DUSP9: variants seen among roughly 807,000 people sequenced by gnomAD.
DUSP9 encodes the protein dual specificity phosphatase 9.
Under a neutral mutation model 13.2 loss-of-function variants are expected in DUSP9, and 4 were observed. The ratio of observed to expected loss-of-function variants is 0.30; its 90% CI spans 0.15 to 0.69. The LOEUF (loss-of-function observed/expected upper bound fraction) is 0.69, where lower values mean the gene tolerates loss of function less well. Among genes scored for constraint, DUSP9 ranks in the 30% least tolerant of loss-of-function variants. The pLI is 0.73. For synonymous variants in DUSP9, 166 were observed against 172.3 expected (o/e 0.96, Z 0.29); for missense variants, 263 against 355.0 (o/e 0.74, Z 2.08).
Position 153,648,346 on chromosome X carries a change from C to T in DUSP9, c.373+20C>T. The T allele has an allele frequency of 1.8e-6, 2 of 1,098,823 alleles. No individual in the cohort carries two copies. Among genetic ancestry groups the T allele is most frequent in the Non-Finnish European group, 1.2e-6 (1 of 848,373 alleles). The allele number at this position is 1,098,823 out of a possible 1,213,427, so 90.6% of individuals were successfully genotyped here. ...TCCAGGGTAGGTGCCGCGGGGCCCT[C>T]CTTCCAGGGGGTTCGGGATTCATTT... is the stretch of plus-strand genomic sequence containing the variant. On this transcript the variant is annotated intron_variant, in intron 2 of 3. Transcript: ENST00000342782.
rs1557036052 is a variant in DUSP9 at position 153,649,289 on chromosome X, G to T, written c.431G>T (p.Gly144Val). The change falls in exon 3 of 4, where the codon GGC (glycine) becomes GTC (valine). Residue 144 changes from glycine to valine, a missense_variant. Coordinates refer to ENST00000342782, the MANE Select transcript of DUSP9 (RefSeq NM_001318503.2). ...CPHLCETSLA[G>V]RAGSSMAPVP... ...CACCTGTGTGAGACCAGCCTTGCTG[G>T]CCGTGCCGGCTCCAGCATGGCGCCG... is the stretch of plus-strand genomic sequence containing the variant. The T allele has an allele frequency of 8.3e-7, 1 of 1,210,692 alleles. No homozygotes were observed. Among genetic ancestry groups the T allele is most frequent in the African/African-American group, 1.7e-5 (1 of 57,880 alleles).
upstream of DUSP9, chrX:153,643,442 G>T (rs1015128796): frequency 1.5e-5 from 5 of 338,455 alleles, no homozygotes; most frequent in Non-Finnish European, 3.0e-5. Flanking sequence ...GGCCCCCCAG[G>T]TGCCTCCCTA....
chrX:153,643,203 A>G (rs973750449), upstream of DUSP9, among the ~76,000 whole-genome samples: 3 of 109,280 alleles, frequency 2.7e-5, no homozygotes, highest in Non-Finnish European at 5.7e-5. Context: ...AGCATCTCCA[A>G]CGCGCACTCT....
At chrX:153,649,200 G>A (rs2091201747) in intron 2 of DUSP9, 32 bp from the exon 3 acceptor site, 2 of 1,198,313 alleles carry the variant, frequency 1.7e-6, no homozygotes, top group Non-Finnish European at 2.3e-6. Flanking sequence ...CAGAAGGCCA[G>A]GTCAGCAGGC....
In DUSP9 at chrX:153,650,202, C is replaced by G. The variant is rs1259329656; in HGVS notation, c.1052C>G (p.Ser351Trp). Residue 351 changes from serine (S) to tryptophan (W), a missense_variant, in exon 4 of 4, where the codon TCG becomes TGG. Ser to Trp is a radical substitution (Grantham distance 177). Transcript: ENST00000342782. The stretch of plus-strand genomic sequence containing the variant: ...AGCTTGCGGCTGGAGGAGCGCCACT[C>G]GCAGGAGCAGGGCAGTGGGGGGCAG... ...ERSLRLEERHSQEQGSGGQAS... is the reference protein window; with the variant it reads ...ERSLRLEERHWQEQGSGGQAS... 2.0e-5 allele frequency: 24 copies of G among 1,210,760 alleles called. No individual in the cohort carries two copies. Among genetic ancestry groups the G allele is most frequent in the Non-Finnish European group, 2.7e-5 (24 of 895,354 alleles).
At chrX:153,646,619 G>T (rs1557035552), upstream of DUSP9, among the ~76,000 whole-genome samples, 1 of 111,779 alleles carries the variant, frequency 8.9e-6, no homozygotes. Context: ...CCAGTTTAGG[G>T]CTGGGAGCTC....
intron 3 of DUSP9, 117 bp from the exon 4 acceptor site, chrX:153,649,863 A>G: frequency 2.1e-6 from 2 of 963,244 alleles, no homozygotes; most frequent in East Asian, 6.2e-5. Flanking sequence ...AGAAACCTGC[A>G]GGTCGTGGCC....
At chrX:153,646,475 G>A (rs150525819), upstream of DUSP9, among the ~76,000 whole-genome samples, 2,178 of 111,891 alleles carry the variant, frequency 0.019, 55 homozygotes, top group African/African-American at 0.067. Flanking sequence ...GGAGAGAGGC[G>A]TGGATGTGAG....
Position 153,647,949 on chromosome X carries a change from C to A in DUSP9, c.-5C>A. 1 of 1,046,624 alleles carries A rather than the reference C, an allele frequency of 9.6e-7. No homozygotes were observed. The highest frequency in any genetic ancestry group is 1.2e-6 in the Non-Finnish European group (1 of 819,127). 86.3% of individuals were successfully genotyped at this position (1,046,624 alleles called of 1,213,427 possible). On this transcript the variant is annotated 5_prime_UTR_variant, in exon 2 of 4. Coordinates refer to ENST00000342782, the MANE Select transcript of DUSP9 (RefSeq NM_001318503.2). ...GTGGTCCAGCGTGTAGGGAGCCGAT[C>A]GCCCATGGAGGGTCTGGGCCGCTCG... is the stretch of plus-strand genomic sequence containing the variant.
rs782732342 is a variant in DUSP9, at chrX:153,649,290, C to T, written c.432C>T (p.Gly144=). ...CPHLCETSLA[G]RAGSSMAPVP... is the part of the protein sequence containing the mutation. ...ACCTGTGTGAGACCAGCCTTGCTGG[C>T]CGTGCCGGCTCCAGCATGGCGCCGG... Residue 144 remains glycine, a synonymous_variant, in exon 3 of 4, where the codon GGC becomes GGT. Transcript: ENST00000342782. 8.3e-7 allele frequency: 1 copy of T among 1,210,797 alleles called. No individual in the cohort carries two copies. Among genetic ancestry groups the T allele is most frequent in the Non-Finnish European group, 1.1e-6 (1 of 895,497 alleles).
upstream of DUSP9, among the ~76,000 whole-genome samples, chrX:153,643,024 C>T (rs782386400): frequency 9.3e-6 from 1 of 107,838 alleles, no homozygotes; most frequent in Non-Finnish European, 1.9e-5. Context: ...ACCAACATAG[C>T]TCCCCCTACC....
chrX:153,649,386 C>T lies in DUSP9; in HGVS notation c.528C>T (p.Ser176=), dbSNP rs1557036078. ...GCTCCGACTGCTCTGATGCGGAATCCGAGGCTGACCGCGACTCCATGAGCT... is the reference window on the plus strand; with the variant it reads ...GCTCCGACTGCTCTGATGCGGAATCTGAGGCTGACCGCGACTCCATGAGCT... ...CLGSDCSDAE[S]EADRDSMSCG... is the part of the protein sequence containing the mutation. Residue 176 remains serine, a synonymous_variant, in exon 3 of 4, where the codon TCC becomes TCT. Coordinates refer to ENST00000342782, the MANE Select transcript of DUSP9 (RefSeq NM_001318503.2). The T allele has an allele frequency of 7.4e-6, 9 of 1,209,773 alleles. No individual in the cohort carries two copies. Among genetic ancestry groups the T allele is most frequent in the East Asian group, 3.0e-5 (1 of 33,754 alleles).
chrX:153,643,765 G>T (rs1355516998), upstream of DUSP9, among the ~76,000 whole-genome samples: 3 of 112,838 alleles, frequency 2.7e-5, no homozygotes, highest in African/African-American at 9.7e-5. Flanking sequence ...GTGTCGGGGT[G>T]GGGGAGGAGT....
At chrX:153,647,737 C>T in intron 1 of DUSP9, 182 bp from the exon 2 acceptor site, 1 of 305,350 alleles carries the variant, frequency 3.3e-6, no homozygotes, top group Non-Finnish European at 5.5e-6. Flanking sequence ...AGCCGCTCAG[C>T]CCTCTTCTCG....
chrX:153,649,022 G>A (rs1197111906), intron 2 of DUSP9, among the ~76,000 whole-genome samples: 1 of 112,444 alleles, frequency 8.9e-6, no homozygotes, highest in Admixed American at 9.3e-5. Flanking sequence ...GTGGCTCAGC[G>A]TGAGCCCAGC....
chrX:153,649,296 C>T lies in DUSP9; in HGVS notation c.438C>T (p.Ala146=), dbSNP rs1236276854. 4.1e-6 allele frequency: 5 copies of T among 1,209,365 alleles called. No homozygotes were observed. The highest frequency in any genetic ancestry group is 3.5e-5 in the African/African-American group (2 of 57,388). The change falls in exon 3 of 4, where the codon GCC becomes GCT. Residue 146 remains alanine, a synonymous_variant. Coordinates refer to ENST00000342782, the MANE Select transcript of DUSP9 (RefSeq NM_001318503.2). ...HLCETSLAGR[A]GSSMAPVPGP... ...GTGAGACCAGCCTTGCTGGCCGTGC[C>T]GGCTCCAGCATGGCGCCGGTGCCCG...
rs371521219 is a variant in DUSP9 at position 153,650,003 on chromosome X, G to A, written c.853G>A (p.Gly285Arg). 2 of 1,208,169 alleles carry A rather than the reference G, an allele frequency of 1.7e-6. No homozygotes were observed. The highest frequency in any genetic ancestry group is 2.2e-6 in the Non-Finnish European group (2 of 894,817). The change falls in exon 4 of 4, where the codon GGG becomes AGG. Residue 285 changes from glycine (G) to arginine (R), a missense_variant. By Grantham distance (125) the Gly-to-Arg change is moderately radical. Transcript: ENST00000342782. Reference protein sequence around the residue: ...FIDEALSQNCGVLVHCLAGVS... With the variant: ...FIDEALSQNCRVLVHCLAGVS... ...AGATGAGGCCTTGTCCCAGAACTGC[G>A]GGGTGCTCGTCCACTGCTTGGCGGG...
chrX:153,648,763 C>T (rs139805636), intron 2 of DUSP9, among the ~76,000 whole-genome samples: 2,492 of 111,880 alleles, frequency 0.022, 38 homozygotes, highest in African/African-American at 0.052. Context: ...GTGTCCAGCC[C>T]GGGGAAATAG....
Position 153,650,068 on chromosome X carries a change from G to A in DUSP9, c.918G>A (p.Met306Ile), listed in dbSNP as rs1557036253. 1.7e-6 allele frequency: 2 copies of A among 1,211,630 alleles called. No homozygotes were observed. Among genetic ancestry groups the A allele is most frequent in the East Asian group, 3.0e-5 (1 of 33,790 alleles). Residue 306 changes from methionine (M) to isoleucine (I), a missense_variant, in exon 4 of 4, where the codon ATG becomes ATA. Met to Ile is a conservative substitution (Grantham distance 10). Transcript: ENST00000342782. ...TCACCGTCACTGTGGCCTACCTCAT[G>A]CAGAAGCTCCACCTCTCTCTCAACG... ...RSVTVTVAYL[M>I]QKLHLSLNDA...
Sources: gnomAD v4.1 joint callset for allele counts (sites outside exome capture counted in the v4.1 genomes callset) on GRCh38, gnomAD v4.1.1 for gene constraint, MANE v1.5 for transcripts, NCBI Gene and HGNC (gene_info 2026-07-23, HGNC 2026-07-21) for gene names.